MCF2L2: variants seen among roughly 807,000 people sequenced by gnomAD.
MCF2L2 encodes probable guanine nucleotide exchange factor MCF2L2.
A neutral mutation model predicts 150.2 loss-of-function variants in MCF2L2; 102 were observed. That is an observed-to-expected ratio of 0.68 (90% confidence interval 0.58 to 0.80). The LOEUF (loss-of-function observed/expected upper bound fraction) is 0.80. Ranked by LOEUF, MCF2L2 falls within the 30% of genes least tolerant of loss-of-function variation. The probability of loss-of-function intolerance (pLI) is 0.00; values close to 1 mark genes in which losing one functional copy is unlikely to be tolerated. For synonymous variants in MCF2L2, 465 were observed against 491.3 expected (o/e 0.95, Z 0.71); for missense variants, 1,256 against 1,372.8 (o/e 0.91, Z 1.34).
intron 19 of MCF2L2, 135 bp from the exon 20 acceptor site, chr3:183,223,573 G>T (rs762087701): frequency 1.2e-4 from 78 of 646,702 alleles, no homozygotes; most frequent in Non-Finnish European, 2.0e-4. Context: ...AGCTCCATAA[G>T]GCTGTGGGGT....
chr3:183,234,685 C>T (rs1019289132), intron 15 of MCF2L2, among the ~76,000 whole-genome samples: 8 of 80,156 alleles, frequency 1.0e-4, no homozygotes, highest in Admixed American at 2.6e-4. Context: ...AAATGTATGA[C>T]TCTTTTTTTT....
intron 3 of MCF2L2, among the ~76,000 whole-genome samples, chr3:183,351,515 T>G (rs1291262037): frequency 6.6e-6 from 1 of 152,036 alleles, no homozygotes; most frequent in African/African-American, 2.4e-5. Context: ...TGGGACACAT[T>G]ATTTTCAGTG....
chr3:183,374,680 A>AAAAAG (rs1389995766), intron 3 of MCF2L2: 1 of 148,246 alleles, frequency 6.7e-6, no homozygotes, highest in African/African-American at 2.6e-5. Context: ...AAAAAAAAAA[A>AAAAAG]AAAGAAAGAA....
chr3:183,261,023 T>C (rs1194762006), intron 15 of MCF2L2, among the ~76,000 whole-genome samples: 1 of 152,224 alleles, frequency 6.6e-6, no homozygotes, highest in African/African-American at 2.4e-5. Flanking sequence ...AGGTCTTATA[T>C]TGGAAATGTA....
intron 11 of MCF2L2, chr3:183,298,663 C>G (rs1399199591): frequency 1.3e-5 from 2 of 151,808 alleles, no homozygotes; most frequent in Non-Finnish European, 2.9e-5. Context: ...CACATCATGC[C>G]CAGATCTGCA....
intron 10 of MCF2L2, among the ~76,000 whole-genome samples, chr3:183,306,654 A>G (rs1729114082): frequency 6.6e-6 from 1 of 152,180 alleles, no homozygotes; most frequent in Admixed American, 6.5e-5. Context: ...TGAAACAAGA[A>G]AGGCAGAAAG....
intron 20 of MCF2L2, among the ~76,000 whole-genome samples, chr3:183,221,496 G>A (rs954725212): frequency 6.6e-6 from 1 of 152,180 alleles, no homozygotes; most frequent in Admixed American, 6.5e-5. Context: ...TCGAGTCTGT[G>A]TTTCCAATGA....
At chr3:183,350,635 G>T (rs6799590) in intron 3 of MCF2L2, among the ~76,000 whole-genome samples, 21,736 of 151,972 alleles carry the variant, frequency 0.14, 2,842 homozygotes, top group African/African-American at 0.35. Flanking sequence ...CCGGGCGCGG[G>T]GGCTCACGCC....
intron 10 of MCF2L2, among the ~76,000 whole-genome samples, chr3:183,302,167 G>A (rs1458867427): frequency 1.3e-5 from 2 of 152,160 alleles, no homozygotes; most frequent in African/African-American, 2.4e-5. Flanking sequence ...ACTCCCACAG[G>A]AGAGGATTCT....
At chr3:183,248,254 C>G (rs1383375565) in intron 15 of MCF2L2, among the ~76,000 whole-genome samples, 1 of 151,852 alleles carries the variant, frequency 6.6e-6, no homozygotes, top group Non-Finnish European at 1.5e-5. Flanking sequence ...CAACTTTGGA[C>G]CATCTGACCA....
chr3:183,271,166 G>A (rs536727967), intron 15 of MCF2L2: 33 of 375,276 alleles, frequency 8.8e-5, no homozygotes, highest in African/African-American at 6.6e-4. Context: ...TATATTATTA[G>A]TGAAAACAAA....
chr3:183,274,939 T>C (rs1450924017), intron 15 of MCF2L2, among the ~76,000 whole-genome samples: 4 of 151,612 alleles, frequency 2.6e-5, no homozygotes, highest in Non-Finnish European at 5.9e-5. Context: ...TACGTAAACT[T>C]TTCCTCCTTC....
At chr3:183,419,335 T>G (rs748309725) in intron 1 of MCF2L2, among the ~76,000 whole-genome samples, 1 of 152,242 alleles carries the variant, frequency 6.6e-6, no homozygotes, top group Non-Finnish European at 1.5e-5. Flanking sequence ...GTCTCTGGCA[T>G]GCCCTGGAGA....
chr3:183,392,016 G>A (rs569894340), intron 1 of MCF2L2, among the ~76,000 whole-genome samples: 1 of 152,242 alleles, frequency 6.6e-6, no homozygotes, highest in African/African-American at 2.4e-5. Flanking sequence ...GGCTCCCAAA[G>A]TGCTAGAATT....
chr3:183,246,858 T>C (rs1159258655), intron 15 of MCF2L2, among the ~76,000 whole-genome samples: 3 of 152,186 alleles, frequency 2.0e-5, no homozygotes, highest in African/African-American at 7.2e-5. Flanking sequence ...TTATCATTCT[T>C]TTTTTAAAAA....
intron 2 of MCF2L2, among the ~76,000 whole-genome samples, chr3:183,388,101 T>G (rs1052663978): frequency 1.3e-5 from 2 of 152,162 alleles, no homozygotes; most frequent in African/African-American, 4.8e-5. Context: ...ATATTGCCTC[T>G]AAGTCATAAG....
intron 5 of MCF2L2, among the ~76,000 whole-genome samples, chr3:183,329,660 G>C (rs1242976732): frequency 6.6e-6 from 1 of 152,246 alleles, no homozygotes; most frequent in Non-Finnish European, 1.5e-5. Context: ...TATGCTAAGT[G>C]AAAGAAGTCA....
intron 22 of MCF2L2, among the ~76,000 whole-genome samples, chr3:183,209,185 A>C (rs1444777251): frequency 6.6e-6 from 1 of 152,248 alleles, no homozygotes; most frequent in Non-Finnish European, 1.5e-5. Context: ...TAATCACTAC[A>C]GACCTTAGTG....
At chr3:183,369,362 C>T (rs1029170547) in intron 3 of MCF2L2, among the ~76,000 whole-genome samples, 1 of 152,198 alleles carries the variant, frequency 6.6e-6, no homozygotes, top group African/African-American at 2.4e-5. Context: ...CCACTGATCA[C>T]AGAGTGGTTC....
Sources: allele counts gnomAD v4.1 joint callset (sites outside exome capture counted in the v4.1 genomes callset), GRCh38; gene constraint gnomAD v4.1.1; transcripts MANE v1.5; gene names NCBI Gene and HGNC (gene_info 2026-07-23, HGNC 2026-07-21).